Variants in SINHCAF observed in about 807,000 individuals in gnomAD.
SINHCAF encodes the protein SIN3-HDAC complex associated factor.
SINHCAF carries 3 observed loss-of-function variants against 25.8 expected under a neutral mutation model. The observed-to-expected ratio is 0.12, with a 90% CI of 0.05 to 0.30. SINHCAF has a LOEUF of 0.30. Ranked by LOEUF, SINHCAF falls within the 10% of genes least tolerant of loss-of-function variation. The pLI is 1.00. For synonymous variants in SINHCAF, 70 were observed against 85.5 expected (o/e 0.82, Z 1.00); for missense variants, 121 against 262.3 (o/e 0.46, Z 3.72).
chr12:31,294,769 T>A (rs905252044), intron 3 of SINHCAF, among the ~76,000 whole-genome samples: 1 of 152,224 alleles, frequency 6.6e-6, no homozygotes, highest in Non-Finnish European at 1.5e-5. Flanking sequence ...ACAATAGCTC[T>A]GTAAGAGAGC....
intron 1 of SINHCAF, among the ~76,000 whole-genome samples, chr12:31,299,144 G>C (rs1938672898): frequency 6.6e-6 from 1 of 151,970 alleles, no homozygotes; most frequent in African/African-American, 2.4e-5. Flanking sequence ...AAAGTAATTT[G>C]GAATATCCAA....
chr12:31,298,637 C>T (rs1938647847), intron 1 of SINHCAF: 1 of 232,726 alleles, frequency 4.3e-6, no homozygotes. Flanking sequence ...ACGTGATTCC[C>T]CTCTGGGGAA....
intron 1 of SINHCAF, among the ~76,000 whole-genome samples, chr12:31,307,788 C>T (rs982295369): frequency 1.3e-5 from 2 of 152,092 alleles, no homozygotes; most frequent in African/African-American, 4.8e-5. Context: ...GCTGATATTG[C>T]CCTCATACAA....
intron 3 of SINHCAF, 61 bp downstream of exon 3, chr12:31,295,173 A>C: frequency 9.8e-7 from 1 of 1,015,954 alleles, no homozygotes; most frequent in South Asian, 1.5e-5. Context: ...AATTAGGGGG[A>C]AATTAATGTT....
At chr12:31,296,390 C>A (rs1938550115) in intron 2 of SINHCAF, among the ~76,000 whole-genome samples, 1 of 151,606 alleles carries the variant, frequency 6.6e-6, no homozygotes, top group Non-Finnish European at 1.5e-5. Context: ...GGTCTCCAAC[C>A]CCTGGGCTCA....
At chr12:31,306,154 T>C (rs896565795) in intron 1 of SINHCAF, among the ~76,000 whole-genome samples, 2 of 152,176 alleles carry the variant, frequency 1.3e-5, no homozygotes, top group Admixed American at 1.3e-4. Context: ...CATTACCCAA[T>C]GCAAAAACAT....
At chr12:31,285,950 G>A (rs1175736918) in intron 5 of SINHCAF, among the ~76,000 whole-genome samples, 4 of 151,214 alleles carry the variant, frequency 2.6e-5, no homozygotes, top group African/African-American at 2.4e-5. Flanking sequence ...ACTCCAGTCT[G>A]GGCTACAGAG....
chr12:31,291,319 T>A (rs1030555071), intron 4 of SINHCAF, among the ~76,000 whole-genome samples: 3 of 152,252 alleles, frequency 2.0e-5, no homozygotes, highest in African/African-American at 4.8e-5. Flanking sequence ...ATTTTTTACT[T>A]GATTATCCCC....
chr12:31,293,109 T>G (rs1938401305), intron 4 of SINHCAF, among the ~76,000 whole-genome samples: 1 of 152,210 alleles, frequency 6.6e-6, no homozygotes, highest in Non-Finnish European at 1.5e-5. Context: ...CTTTTTGCTG[T>G]AAAAATACTA....
intron 4 of SINHCAF, among the ~76,000 whole-genome samples, chr12:31,293,418 C>T (rs1938417079): frequency 6.6e-6 from 1 of 152,190 alleles, no homozygotes; most frequent in South Asian, 2.1e-4. Flanking sequence ...AGTTACTTTC[C>T]AGAAAATCTG....
At position 31,324,949 on chromosome 12, in the gene SINHCAF, G is replaced by A; in HGVS notation, c.-21+1075C>T. The A allele has an allele frequency of 2.2e-6, 1 of 456,400 alleles. No individual in the cohort carries two copies. The highest frequency in any genetic ancestry group is 4.4e-6 in the Non-Finnish European group (1 of 226,752). 28.3% of individuals were successfully genotyped at this position (456,400 alleles called of 1,614,324 possible). On this transcript the variant is annotated intron_variant, in intron 1 of 5. Transcript: ENST00000337682. The surrounding 1 kb of genome is among the most constrained non-coding windows in gnomAD (Gnocchi z 5.5). ...CATCATCAGCAAACCACATTGTCCT[G>A]CCGGCCGGACCTGCCCGACGGCGGC...
chr12:31,317,403 T>TAA (rs1169638155), intron 1 of SINHCAF, among the ~76,000 whole-genome samples: 5 of 152,076 alleles, frequency 3.3e-5, no homozygotes, highest in African/African-American at 1.2e-4. Context: ...TCAGACTGGT[T>TAA]AAATTATGGT....
At chr12:31,309,502 G>C (rs866263634) in intron 1 of SINHCAF, among the ~76,000 whole-genome samples, 1 of 152,152 alleles carries the variant, frequency 6.6e-6, no homozygotes, top group Non-Finnish European at 1.5e-5. Flanking sequence ...GACCACAGCA[G>C]GTAAGAAATA....
At chr12:31,289,847 C>T (rs941481628) in intron 4 of SINHCAF, among the ~76,000 whole-genome samples, 2 of 151,236 alleles carry the variant, frequency 1.3e-5, no homozygotes, top group Admixed American at 1.3e-4. Context: ...TTCCTTGAGA[C>T]CGGATCTCAC....
At chr12:31,301,148 AG>A (rs1938775982) in intron 1 of SINHCAF, among the ~76,000 whole-genome samples, 1 of 152,212 alleles carries the variant, frequency 6.6e-6, no homozygotes, top group African/African-American at 2.4e-5. Flanking sequence ...TAAGGATGTT[AG>A]GGTTATAGGT....
chr12:31,299,315 A>G (rs1049315236), intron 1 of SINHCAF, among the ~76,000 whole-genome samples: 3 of 146,958 alleles, frequency 2.0e-5, no homozygotes, highest in African/African-American at 8.1e-5. Flanking sequence ...CAATAAAAGA[A>G]AAAAATTTTT....
At chr12:31,313,070 G>A (rs901720523) in intron 1 of SINHCAF, among the ~76,000 whole-genome samples, 5 of 152,096 alleles carry the variant, frequency 3.3e-5, no homozygotes, top group Non-Finnish European at 5.9e-5. Context: ...CGTTGCCCAG[G>A]CTGGAGTGCA....
chr12:31,313,924 G>C (rs1939388136), intron 1 of SINHCAF, among the ~76,000 whole-genome samples: 1 of 151,996 alleles, frequency 6.6e-6, no homozygotes, highest in Non-Finnish European at 1.5e-5. Context: ...CAAAGTGCTG[G>C]GATTACAGGC....
At position 31,321,188 on chromosome 12, in the gene SINHCAF, A is replaced by G. The variant is rs115263452; in HGVS notation, c.-21+4836T>C. ...AACTGGAGAAACAAAAGACAACAAA[A>G]AAGTCTCAATTTATAACACCCCAAA... On this transcript the variant is annotated intron_variant, in intron 1 of 5. Transcript: ENST00000337682. Among the ~76,000 whole-genome samples, 411 of 152,346 alleles carry G rather than the reference A, an allele frequency of 2.7e-3. 2 individuals carry two copies. Among genetic ancestry groups the G allele is most frequent in the African/African-American group, 9.3e-3 (385 of 41,582 alleles).
Sources: gnomAD v4.1 joint callset for allele counts (sites outside exome capture counted in the v4.1 genomes callset) on GRCh38, gnomAD v4.1.1 for gene constraint, Gnocchi (gnomAD v3.1) non-coding constraint, MANE v1.5 for transcripts, NCBI Gene and HGNC (gene_info 2026-07-23, HGNC 2026-07-21) for gene names.